Variants in ARFIP1 observed in about 807,000 individuals in gnomAD.
ARFIP1 encodes arfaptin-1.
A neutral mutation model predicts 42.5 loss-of-function variants in ARFIP1; 24 were observed. That is an observed-to-expected ratio of 0.57 (90% CI 0.41 to 0.80). The LOEUF is 0.80. ARFIP1 is among the 30% of genes least tolerant of loss of function. The pLI is 0.00. For synonymous variants in ARFIP1, 141 were observed against 153.7 expected, an observed-to-expected ratio of 0.92 and a Z score of 0.61; for missense variants, 354 against 434.0, an observed-to-expected ratio of 0.82 and a Z score of 1.64.
intron 8 of ARFIP1, among the ~76,000 whole-genome samples, chr4:152,902,427 A>G (rs1737918609): frequency 6.6e-6 from 1 of 152,058 alleles, no homozygotes; most frequent in African/African-American, 2.4e-5. Flanking sequence ...ACTTGAACCA[A>G]GGGGATCAAG....
rs944941855 is a variant in ARFIP1, at chr4:152,911,239, G to A, written c.*1020G>A. The A allele has an allele frequency of 6.6e-6, 1 of 152,654 alleles. No homozygotes were observed. The highest frequency in any genetic ancestry group is 1.5e-5 in the Non-Finnish European group (1 of 68,036). 9.5% of individuals were successfully genotyped at this position (152,654 alleles called of 1,614,324 possible). A position where few individuals can be genotyped will look rare whatever the true frequency, so the allele number is the denominator to read the frequency against. On this transcript the variant is annotated 3_prime_UTR_variant, in exon 9 of 9. Coordinates refer to ENST00000353617, the MANE Select transcript of ARFIP1 (RefSeq NM_001025595.3). ...TTCCTTCCATGGAATGGAGCACTAT[G>A]TATGAATGTTGGGTTTCTTTGTACT...
chr4:152,808,824 T>G (rs1445191882), intron 1 of ARFIP1, among the ~76,000 whole-genome samples: 1 of 152,156 alleles, frequency 6.6e-6, no homozygotes, highest in African/African-American at 2.4e-5. Flanking sequence ...ATCCCAGCAC[T>G]TTGGGAGGCC....
chr4:152,802,471 G>A (rs1295514132), intron 1 of ARFIP1, among the ~76,000 whole-genome samples: 1 of 152,024 alleles, frequency 6.6e-6, no homozygotes, highest in Non-Finnish European at 1.5e-5. Flanking sequence ...TTAATAACCT[G>A]AACATTGGAA....
At chr4:152,857,424 T>C (rs1444651624) in intron 2 of ARFIP1, among the ~76,000 whole-genome samples, 1 of 152,226 alleles carries the variant, frequency 6.6e-6, no homozygotes, top group Admixed American at 6.5e-5. Flanking sequence ...ACAGTTAATA[T>C]CGTTTCTGGA....
At chr4:152,855,168 G>A (rs1733322377) in intron 2 of ARFIP1, among the ~76,000 whole-genome samples, 1 of 152,188 alleles carries the variant, frequency 6.6e-6, no homozygotes, top group African/African-American at 2.4e-5. Flanking sequence ...GGTGGTAGCA[G>A]CTGAGTGGGT....
intron 1 of ARFIP1, chr4:152,809,931 G>A (rs1288358304): frequency 6.6e-6 from 1 of 152,130 alleles, no homozygotes; most frequent in Non-Finnish European, 1.5e-5. Flanking sequence ...ACATGATTGT[G>A]GATTTAGAAT....
At chr4:152,798,380 A>G (rs954399578) in intron 1 of ARFIP1, among the ~76,000 whole-genome samples, 5 of 152,194 alleles carry the variant, frequency 3.3e-5, no homozygotes, top group East Asian at 3.8e-4. Flanking sequence ...TAAAATGTAT[A>G]TATTTTATCA....
At chr4:152,835,044 A>G (rs1386938015) in intron 2 of ARFIP1, among the ~76,000 whole-genome samples, 2 of 152,226 alleles carry the variant, frequency 1.3e-5, no homozygotes, top group Non-Finnish European at 2.9e-5. Context: ...TGGTCTTGTG[A>G]TAGGAGGGGC....
At chr4:152,858,519 G>A (rs867258161) in intron 2 of ARFIP1, among the ~76,000 whole-genome samples, 41 of 152,120 alleles carry the variant, frequency 2.7e-4, no homozygotes, top group African/African-American at 9.7e-4. Flanking sequence ...AAAGTCTAAT[G>A]TAAGAATAAG....
chr4:152,786,507 C>T (rs569614456), intron 1 of ARFIP1, among the ~76,000 whole-genome samples: 19 of 152,324 alleles, frequency 1.2e-4, no homozygotes, highest in Non-Finnish European at 2.4e-4. Context: ...CTACATGACT[C>T]TTGAATTTTT....
chr4:152,895,915 G>A (rs1314993840), intron 8 of ARFIP1, among the ~76,000 whole-genome samples: 2 of 152,012 alleles, frequency 1.3e-5, no homozygotes, highest in Non-Finnish European at 2.9e-5. Context: ...GAGGTATAAT[G>A]GTCTTACACT....
intron 1 of ARFIP1, among the ~76,000 whole-genome samples, chr4:152,826,527 C>T (rs117519306): frequency 6.6e-6 from 1 of 152,242 alleles, no homozygotes; most frequent in East Asian, 1.9e-4. Flanking sequence ...GTACAATGTA[C>T]ACTACCGGGG....
At chr4:152,783,336 T>C (rs2149811247) in intron 1 of ARFIP1, among the ~76,000 whole-genome samples, 1 of 152,256 alleles carries the variant, frequency 6.6e-6, no homozygotes, top group Non-Finnish European at 1.5e-5. Flanking sequence ...ACAGACTAGC[T>C]TATGCTAAAT....
At chr4:152,867,511 G>C (rs998222158) in intron 3 of ARFIP1, among the ~76,000 whole-genome samples, 8 of 152,064 alleles carry the variant, frequency 5.3e-5, no homozygotes, top group Non-Finnish European at 1.5e-5. Context: ...GGAGACCGTG[G>C]GGAGAGGGAG....
chr4:152,822,400 T>C (rs556394855), intron 1 of ARFIP1, among the ~76,000 whole-genome samples: 4 of 151,372 alleles, frequency 2.6e-5, no homozygotes, highest in Non-Finnish European at 5.9e-5. Flanking sequence ...ACTTTGGAGC[T>C]TCCATGTTTG....
Position 152,854,475 on chromosome 4 carries a change from T to C in ARFIP1, c.94-9131T>C, listed in dbSNP as rs190424571. Among the ~76,000 whole-genome samples the C allele has an allele frequency of 1.6e-4, 24 of 152,306 alleles. No individual in the cohort carries two copies. The East Asian group carries it at 4.2e-3, about 27-fold the overall frequency. On this transcript the variant is annotated intron_variant, in intron 2 of 8. Coordinates refer to ENST00000353617, the MANE Select transcript of ARFIP1 (RefSeq NM_001025595.3). ...TTTCCAAGGTTTCCTGAATTTCTTT[T>C]TGGTTGGGATCTGTTGCTGGAGAAT...
intron 5 of ARFIP1, among the ~76,000 whole-genome samples, chr4:152,873,502 T>C (rs977453692): frequency 6.6e-6 from 1 of 152,204 alleles, no homozygotes; most frequent in Admixed American, 6.5e-5. Flanking sequence ...CTCATGAAAG[T>C]GTAGAATCTG....
chr4:152,847,173 C>T (rs536800049), intron 2 of ARFIP1, among the ~76,000 whole-genome samples: 1 of 116,144 alleles, frequency 8.6e-6, no homozygotes, highest in East Asian at 2.6e-4. Flanking sequence ...CTCTGTCGCC[C>T]CCAGGCCGGA....
chr4:152,847,470 G>A lies in ARFIP1; in HGVS notation c.94-16136G>A, dbSNP rs544682294. ...TAAGATGGGGCAGCAACAGCCAGAT[G>A]TGGAGAGGATAATCATCTTAGTATT... On this transcript the variant is annotated intron_variant, in intron 2 of 8. Transcript: ENST00000353617. Among the ~76,000 whole-genome samples, 4 of 152,162 alleles carry A rather than the reference G, an allele frequency of 2.6e-5. No individual in the cohort carries two copies. The East Asian group carries it at 5.8e-4, about 22-fold the overall frequency.
Sources: allele counts gnomAD v4.1 joint callset (sites outside exome capture counted in the v4.1 genomes callset), GRCh38; gene constraint gnomAD v4.1.1; transcripts MANE v1.5; gene names NCBI Gene and HGNC (gene_info 2026-07-23, HGNC 2026-07-21).